Variants in SECISBP2L observed in about 807,000 individuals in gnomAD.
SECISBP2L encodes the protein selenocysteine insertion sequence-binding protein 2-like.
Under a neutral mutation model 114.7 loss-of-function variants are expected in SECISBP2L, and 43 were observed. The ratio of observed to expected loss-of-function variants is 0.38; its 90% CI spans 0.29 to 0.48. The LOEUF (loss-of-function observed/expected upper bound fraction) is 0.48, where lower values mean the gene tolerates loss of function less well. Among genes scored for constraint, SECISBP2L ranks in the 20% least tolerant of loss-of-function variants. The pLI is 0.98. For missense variants in SECISBP2L, 1,136 were observed against 1,301.1 expected, an observed-to-expected ratio of 0.87 and a Z score of 1.95; for synonymous variants, 451 against 439.7, an observed-to-expected ratio of 1.03 and a Z score of -0.32.
rs148723102 is a variant in SECISBP2L at position 48,996,710 on chromosome 15, A to G, written c.2404-124T>C. 2.4e-5 allele frequency: 18 copies of G among 752,896 alleles called. No homozygotes were observed. The African/African-American group carries it at 3.0e-4, about 13-fold the overall frequency. The allele number at this position is 752,896 out of a possible 1,614,324, so 46.6% of individuals were successfully genotyped here. On this transcript the variant is annotated intron_variant, in intron 16 of 17. Transcript: ENST00000559471. ...CACTTTCAATGAGGACAAAATCCAA[A>G]TGGTATGCAAACCACAGAACCTTAT...
chr15:49,027,744 G>C (rs1194517711), intron 6 of SECISBP2L, among the ~76,000 whole-genome samples: 1 of 151,856 alleles, frequency 6.6e-6, no homozygotes, highest in Non-Finnish European at 1.5e-5. Flanking sequence ...AAGTAGCTGG[G>C]ATTACAGGCG....
At chr15:48,993,573 C>T (rs1902032994) in intron 17 of SECISBP2L, among the ~76,000 whole-genome samples, 1 of 152,120 alleles carries the variant, frequency 6.6e-6, no homozygotes, top group African/African-American at 2.4e-5. Flanking sequence ...TTGTACCATG[C>T]TCACTCAGCA....
rs1901986667 is a variant in SECISBP2L at position 48,991,992 on chromosome 15, CTTTTT to C, written c.*247_*251del. The C allele has an allele frequency of 5.5e-6, 2 of 366,338 alleles. No homozygotes were observed. Among genetic ancestry groups the C allele is most frequent in the Non-Finnish European group, 9.8e-6 (2 of 204,720 alleles). 22.7% of individuals were successfully genotyped at this position (366,338 alleles called of 1,614,324 possible). The stretch of plus-strand genomic sequence containing the variant: ...TTTATTTTCTTTAAGATCTGGTCTT[CTTTTT>C]ATCACTGTTTTTGATTACAAAATAA... On this transcript the variant is annotated 3_prime_UTR_variant, in exon 18 of 18. Transcript: ENST00000559471.
At chr15:48,996,056 A>T (rs1476903395) in intron 17 of SECISBP2L, 7 of 272,910 alleles carry the variant, frequency 2.6e-5, no homozygotes, top group Non-Finnish European at 4.9e-5. Flanking sequence ...AACTGAGCAT[A>T]AAGTATTGGA....
intron 16 of SECISBP2L, 104 bp downstream of exon 16, chr15:48,999,729 A>T: frequency 8.0e-7 from 1 of 1,252,598 alleles, no homozygotes; most frequent in Non-Finnish European, 1.1e-6. Context: ...TTGTCAACTC[A>T]CTCCTTCAAA....
intron 3 of SECISBP2L, among the ~76,000 whole-genome samples, chr15:49,033,893 GT>G (rs1157411999): frequency 6.6e-6 from 1 of 152,026 alleles, no homozygotes; most frequent in Non-Finnish European, 1.5e-5. Flanking sequence ...AAAAATATAA[GT>G]ATTCATCACT....
At chr15:49,042,478 G>C (rs1473599121) in intron 1 of SECISBP2L, 5 of 152,218 alleles carry the variant, frequency 3.3e-5, no homozygotes, top group Non-Finnish European at 7.3e-5. Flanking sequence ...TAGGCAACCT[G>C]GAGTTTCCCC....
intron 11 of SECISBP2L, 120 bp from the exon 12 acceptor site, chr15:49,012,937 G>A (rs1168487740): frequency 1.1e-5 from 10 of 914,130 alleles, no homozygotes; most frequent in Non-Finnish European, 1.6e-5. Context: ...CATCATAACA[G>A]TAGGAGCACT....
intron 17 of SECISBP2L, among the ~76,000 whole-genome samples, 174 bp from the exon 18 acceptor site, chr15:48,993,100 A>AGAGAGTGTGTGT (rs772299775): frequency 0.032 from 4,465 of 139,154 alleles, 193 homozygotes; most frequent in African/African-American, 0.092. Context: ...ACAGAGAGAG[A>AGAGAGTGTGTGT]GTGTGTGTGT....
chr15:49,017,985 T>C (rs913980004), intron 8 of SECISBP2L, among the ~76,000 whole-genome samples: 1 of 152,198 alleles, frequency 6.6e-6, no homozygotes, highest in African/African-American at 2.4e-5. Flanking sequence ...CATGTAAACT[T>C]TATTAATATA....
chr15:49,014,846 A>G (rs1902506077), intron 11 of SECISBP2L, among the ~76,000 whole-genome samples: 1 of 148,984 alleles, frequency 6.7e-6, no homozygotes, highest in Admixed American at 6.7e-5. Flanking sequence ...TAAATATATA[A>G]ATGTATATAT....
At chr15:49,034,498 T>C (rs11070679) in intron 3 of SECISBP2L, among the ~76,000 whole-genome samples, 111,209 of 151,218 alleles carry the variant, frequency 0.74, 41,296 homozygotes, top group Middle Eastern at 0.78. Context: ...TTCTTCAGTC[T>C]TAGGAGACCC....
Position 49,009,132 on chromosome 15 carries a change from C to G in SECISBP2L, c.2027+84G>C, listed in dbSNP as rs1902383778. The stretch of plus-strand genomic sequence containing the variant: ...TCTGGTCTTTTGTCTGCTTGACTCA[C>G]TGAGTAACAATGACAATACTAAATT... On this transcript the variant is annotated intron_variant, in intron 14 of 17. Transcript: ENST00000559471. 6 of 1,415,056 alleles carry G rather than the reference C, an allele frequency of 4.2e-6. No individual in the cohort carries two copies. In the South Asian group the frequency reaches 5.3e-5, roughly 12 times the overall value. The allele number at this position is 1,415,056 out of a possible 1,614,324, so 87.7% of individuals were successfully genotyped here. A position where few individuals can be genotyped will look rare whatever the true frequency, so the allele number is the denominator to read the frequency against.
In SECISBP2L at chr15:49,036,052, A is replaced by C. The variant is rs371268535; in HGVS notation, c.204-394T>G. ...CGTGACAGCCTTCTGTAAAGAACAG[A>C]GTAAAGTGACCATTGTGTAAGGTGA... On this transcript the variant is annotated intron_variant, in intron 2 of 17. Transcript: ENST00000559471. Among the ~76,000 whole-genome samples the C allele has an allele frequency of 3.2e-4, 49 of 152,372 alleles. 1 individual carries two copies. In the East Asian group the frequency reaches 5.6e-3, roughly 17 times the overall value.
chr15:49,025,615 A>T (rs991729696), intron 7 of SECISBP2L, among the ~76,000 whole-genome samples: 10 of 152,156 alleles, frequency 6.6e-5, no homozygotes, highest in African/African-American at 2.4e-4. Flanking sequence ...TCTCAAGAGA[A>T]GGCATACATG....
intron 1 of SECISBP2L, among the ~76,000 whole-genome samples, chr15:49,038,335 C>T (rs1903054339): frequency 1.3e-5 from 2 of 151,390 alleles, no homozygotes; most frequent in Non-Finnish European, 2.9e-5. Context: ...TTTCCCAGTA[C>T]ACATGTGAGT....
At chr15:49,035,223 A>G (rs1902980196) in intron 3 of SECISBP2L, 111 bp downstream of exon 3, 1 of 881,990 alleles carries the variant, frequency 1.1e-6, no homozygotes. Flanking sequence ...ATAGTGAACA[A>G]TATGTTTTAT....
intron 1 of SECISBP2L, among the ~76,000 whole-genome samples, chr15:49,040,819 T>C: frequency 6.6e-6 from 1 of 151,838 alleles, no homozygotes; most frequent in Non-Finnish European, 1.5e-5. Context: ...ATTACAAGCG[T>C]GAGCCACCGC....
chr15:49,009,410 T>C (rs1356323042), intron 13 of SECISBP2L, 32 bp from the exon 14 acceptor site: 10 of 1,591,638 alleles, frequency 6.3e-6, no homozygotes, highest in Non-Finnish European at 8.5e-6. Context: ...GGAAAAAATT[T>C]AGAAACTTCA....
Sources: allele counts gnomAD v4.1 joint callset (sites outside exome capture counted in the v4.1 genomes callset), GRCh38; gene constraint gnomAD v4.1.1; transcripts MANE v1.5; gene names NCBI Gene and HGNC (gene_info 2026-07-23, HGNC 2026-07-21).